PIP4K2A: variants seen among roughly 807,000 people sequenced by gnomAD.
PIP4K2A encodes the protein phosphatidylinositol-5-phosphate 4-kinase type 2 alpha.
A neutral mutation model predicts 42.9 loss-of-function variants in PIP4K2A; 14 were observed. The observed-to-expected ratio is 0.33, with a 90% CI of 0.22 to 0.51. The LOEUF (loss-of-function observed/expected upper bound fraction) is 0.51, where lower values mean the gene tolerates loss of function less well. Ranked by LOEUF, PIP4K2A falls within the 20% of genes least tolerant of loss-of-function variation. The pLI, the probability that PIP4K2A is intolerant of heterozygous loss-of-function variation, is 0.97. For missense variants in PIP4K2A, 434 were observed against 519.8 expected, an observed-to-expected ratio of 0.83 and a Z score of 1.61; for synonymous variants, 192 against 192.2, an observed-to-expected ratio of 1.00 and a Z score of 0.01.
intron 1 of PIP4K2A, among the ~76,000 whole-genome samples, chr10:22,681,295 C>T (rs1385128113): frequency 1.3e-5 from 2 of 152,158 alleles, no homozygotes; most frequent in Admixed American, 6.5e-5. Flanking sequence ...CTGAAGAGCC[C>T]ACTAAGAGCT....
At chr10:22,604,149 G>T (rs1837855054) in intron 3 of PIP4K2A, among the ~76,000 whole-genome samples, 1 of 152,094 alleles carries the variant, frequency 6.6e-6, no homozygotes, top group Non-Finnish European at 1.5e-5. Context: ...ATTTTTAAAA[G>T]ATATTCCAGA....
intron 1 of PIP4K2A, among the ~76,000 whole-genome samples, chr10:22,702,167 A>C (rs1833727823): frequency 6.6e-6 from 1 of 152,256 alleles, no homozygotes; most frequent in Non-Finnish European, 1.5e-5. Context: ...CTATCCAAGG[A>C]AGTGAGCAGC....
chr10:22,680,816 G>T (rs1327629676), intron 1 of PIP4K2A, among the ~76,000 whole-genome samples: 1 of 152,158 alleles, frequency 6.6e-6, no homozygotes, highest in African/African-American at 2.4e-5. Context: ...AAATATGCCG[G>T]ATTTTTATAT....
chr10:22,638,411 A>T (rs1588678643), intron 1 of PIP4K2A, among the ~76,000 whole-genome samples: 1 of 152,130 alleles, frequency 6.6e-6, no homozygotes, highest in African/African-American at 2.4e-5. Context: ...CTCTCTCAAT[A>T]ACTGTTCTCC....
At chr10:22,690,426 A>T (rs1472179613) in intron 1 of PIP4K2A, among the ~76,000 whole-genome samples, 1 of 152,236 alleles carries the variant, frequency 6.6e-6, no homozygotes, top group African/African-American at 2.4e-5. Flanking sequence ...CTTGGAAATC[A>T]TTAACTCCAC....
In PIP4K2A at chr10:22,536,962, C is replaced by A; in HGVS notation, c.*239G>T. The A allele has an allele frequency of 3.3e-6, 1 of 299,552 alleles. No homozygotes were observed. Among genetic ancestry groups the A allele is most frequent in the Non-Finnish European group, 5.7e-6 (1 of 176,816 alleles). 18.6% of individuals were successfully genotyped at this position (299,552 alleles called of 1,614,324 possible). On this transcript the variant is annotated 3_prime_UTR_variant, in exon 10 of 10. Transcript: ENST00000376573. Reference sequence around the variant, plus strand: ...GCACACGCGCGCACACACTCACCCCCCCCCAACACACACACACACACATAT... The same window carrying A: ...GCACACGCGCGCACACACTCACCCCACCCCAACACACACACACACACATAT...
At chr10:22,674,556 T>G (rs1263642101) in intron 1 of PIP4K2A, among the ~76,000 whole-genome samples, 1 of 152,128 alleles carries the variant, frequency 6.6e-6, no homozygotes, top group Non-Finnish European at 1.5e-5. Flanking sequence ...GTGTAGTTCT[T>G]TAACTCTTAG....
intron 4 of PIP4K2A, among the ~76,000 whole-genome samples, chr10:22,587,829 C>T (rs1837433425): frequency 6.6e-6 from 1 of 152,236 alleles, no homozygotes; most frequent in Non-Finnish European, 1.5e-5. Context: ...GTAAACTACA[C>T]ACTGGTGTGG....
chr10:22,672,774 CGT>C (rs1491327316), intron 1 of PIP4K2A, among the ~76,000 whole-genome samples: 1 of 152,122 alleles, frequency 6.6e-6, no homozygotes, highest in African/African-American at 2.4e-5. Context: ...TCACACCAAC[CGT>C]AATTTAGGAT....
intron 5 of PIP4K2A, among the ~76,000 whole-genome samples, chr10:22,569,683 G>C (rs1216657847): frequency 6.6e-6 from 1 of 151,882 alleles, no homozygotes. Flanking sequence ...GTCTGTGTCT[G>C]TGTGTGTGTT....
chr10:22,638,728 T>G (rs1838719872), intron 1 of PIP4K2A, among the ~76,000 whole-genome samples: 1 of 152,234 alleles, frequency 6.6e-6, no homozygotes, highest in African/African-American at 2.4e-5. Context: ...TTCATTGACA[T>G]ATTTTTGGCT....
intron 4 of PIP4K2A, among the ~76,000 whole-genome samples, chr10:22,574,500 G>A (rs569334711): frequency 7.3e-6 from 1 of 136,288 alleles, no homozygotes; most frequent in African/African-American, 2.7e-5. Flanking sequence ...TAATTAAAAT[G>A]TCCTTTCAAA....
intron 1 of PIP4K2A, among the ~76,000 whole-genome samples, chr10:22,650,134 G>C (rs143430075): frequency 6.6e-6 from 1 of 152,274 alleles, no homozygotes; most frequent in Non-Finnish European, 1.5e-5. Context: ...ATCCCAAGTG[G>C]CCTGCCTTGT....
chr10:22,658,730 A>C (rs1490806649), intron 1 of PIP4K2A, among the ~76,000 whole-genome samples: 2 of 152,256 alleles, frequency 1.3e-5, no homozygotes, highest in East Asian at 3.8e-4. Flanking sequence ...AGTTATCCTA[A>C]GCCCAGGAAT....
rs535093662 is a variant in PIP4K2A at position 22,629,144 on chromosome 10, G to C, written c.145-19427C>G. ...GCCCATCAAACAGAACAATTTACCA[G>C]AAACTTAATAATGCTTAAGGATTAT... On this transcript the variant is annotated intron_variant, in intron 1 of 9. Transcript: ENST00000376573. Among the ~76,000 whole-genome samples, 5 of 152,258 alleles carry C rather than the reference G, an allele frequency of 3.3e-5. No individual in the cohort carries two copies. In the South Asian group the frequency reaches 6.2e-4, roughly 19 times the overall value.
At chr10:22,577,077 CAAAAAAA>C (rs5783800) in intron 4 of PIP4K2A, among the ~76,000 whole-genome samples, 1 of 76,484 alleles carries the variant, frequency 1.3e-5, no homozygotes, top group Admixed American at 1.4e-4. Context: ...ACTCCTGTCT[CAAAAAAA>C]AAAAAAAAAA....
At chr10:22,567,744 A>G (rs1380366470) in intron 6 of PIP4K2A, 107 bp downstream of exon 6, 3 of 955,018 alleles carry the variant, frequency 3.1e-6, no homozygotes, top group South Asian at 2.6e-5. Context: ...GGGGAACAGG[A>G]AGAACCACAA....
intron 6 of PIP4K2A, among the ~76,000 whole-genome samples, chr10:22,551,370 T>C (rs1208266241): frequency 6.6e-6 from 1 of 152,064 alleles, no homozygotes; most frequent in Admixed American, 6.5e-5. Context: ...ATTTGGACAA[T>C]ATCAAAGAAA....
chr10:22,582,325 A>G (rs989320526), intron 4 of PIP4K2A, among the ~76,000 whole-genome samples: 6 of 152,198 alleles, frequency 3.9e-5, no homozygotes, highest in Non-Finnish European at 7.3e-5. Context: ...ACCGAGAATA[A>G]TAAGGGTTAT....
Sources: gnomAD v4.1 joint callset for allele counts (sites outside exome capture counted in the v4.1 genomes callset) on GRCh38, gnomAD v4.1.1 for gene constraint, MANE v1.5 for transcripts, NCBI Gene and HGNC (gene_info 2026-07-23, HGNC 2026-07-21) for gene names.